Variants in MCC observed in about 807,000 individuals in gnomAD.
The protein encoded by MCC is colorectal mutant cancer protein.
Under a neutral mutation model 116.2 loss-of-function variants are expected in MCC, and 90 were observed. That is an observed-to-expected ratio of 0.77 (90% CI 0.65 to 0.92). MCC has a LOEUF of 0.92. MCC is among the 40% of genes least tolerant of loss of function. The pLI is 0.00. For missense variants in MCC, 1,516 were observed against 1,312.2 expected (o/e 1.16, Z -2.40); for synonymous variants, 578 against 510.5 (o/e 1.13, Z -1.78).
At position 113,023,321 on chromosome 5, in the gene MCC, CTA is replaced by C. The variant is rs199973836; in HGVS notation, c.*3979_*3980del. 1 of 152,306 alleles carries C rather than the reference CTA, an allele frequency of 6.6e-6. No homozygotes were observed. Among genetic ancestry groups the C allele is most frequent in the African/African-American group, 2.4e-5 (1 of 41,550 alleles). 9.4% of individuals were successfully genotyped at this position (152,306 alleles called of 1,614,324 possible). A position where few individuals can be genotyped will look rare whatever the true frequency, so the allele number is the denominator to read the frequency against. ...ACCAGTTACGCCTCTTCTGTAAACT[CTA>C]TAAGAGTGCTCAAAGGTGAATCAAA... On this transcript the variant is annotated 3_prime_UTR_variant, in exon 19 of 19. Transcript: ENST00000408903.
intron 2 of MCC, among the ~76,000 whole-genome samples, chr5:113,369,280 C>T (rs909816433): frequency 2.6e-5 from 4 of 152,146 alleles, no homozygotes; most frequent in South Asian, 2.1e-4. Context: ...CCAGCCTCAT[C>T]CTGAAGCTAC....
chr5:113,191,489 T>C (rs1230333411), intron 3 of MCC, among the ~76,000 whole-genome samples: 1 of 152,206 alleles, frequency 6.6e-6, no homozygotes, highest in African/African-American at 2.4e-5. Flanking sequence ...GAAGCCTTCC[T>C]GCTGGGCCAT....
intron 3 of MCC, among the ~76,000 whole-genome samples, chr5:113,293,949 C>T (rs1451191013): frequency 6.6e-6 from 1 of 152,030 alleles, no homozygotes; most frequent in African/African-American, 2.4e-5. Context: ...TAGTTACCGT[C>T]GGCTTAAACT....
Position 113,480,298 on chromosome 5 carries a change from A to G in MCC, c.170+7947T>C, listed in dbSNP as rs1444913339. Reference sequence around the variant, plus strand: ...ATTTTAGGTCATACATTTCACTGATAACTTCAGTTTTGACTAATTCTCTAA... The same window carrying G: ...ATTTTAGGTCATACATTTCACTGATGACTTCAGTTTTGACTAATTCTCTAA... On this transcript the variant is annotated intron_variant, in intron 1 of 18. Coordinates refer to ENST00000408903, the MANE Select transcript of MCC (RefSeq NM_001085377.2). Among the ~76,000 whole-genome samples the G allele has an allele frequency of 2.0e-5, 3 of 152,344 alleles. No individual in the cohort carries two copies. The South Asian group carries it at 6.2e-4, about 32-fold the overall frequency.
At chr5:113,263,293 G>A (rs17135517) in intron 3 of MCC, among the ~76,000 whole-genome samples, 16,373 of 152,178 alleles carry the variant, frequency 0.11, 1,393 homozygotes, top group Admixed American at 0.25. Flanking sequence ...GACCCTTAAT[G>A]GGAATGGAAG....
intron 3 of MCC, among the ~76,000 whole-genome samples, chr5:113,283,305 A>C (rs1181767088): frequency 1.3e-5 from 2 of 152,242 alleles, no homozygotes; most frequent in East Asian, 1.9e-4. Context: ...GAATATGCAA[A>C]GAAACTCTGT....
At chr5:113,071,790 C>T (rs1754060718) in intron 11 of MCC, among the ~76,000 whole-genome samples, 2 of 152,126 alleles carry the variant, frequency 1.3e-5, no homozygotes, top group South Asian at 4.1e-4. Flanking sequence ...CCCCAAATCC[C>T]ATCCTCATAA....
chr5:113,357,815 C>T (rs1432035498), intron 2 of MCC, among the ~76,000 whole-genome samples: 3 of 152,158 alleles, frequency 2.0e-5, no homozygotes, highest in Admixed American at 2.0e-4. Context: ...GATAGCCCAA[C>T]CAAAGGGAAG....
Position 113,195,113 on chromosome 5 carries a change from G to A in MCC, c.628-43691C>T, listed in dbSNP as rs554092440. ...TAAATATACCAAAGCGTTTGTTGAA[G>A]GGAACAGTAAAGGAAGCCAGCTCCA... On this transcript the variant is annotated intron_variant, in intron 3 of 18. Coordinates refer to ENST00000408903, the MANE Select transcript of MCC (RefSeq NM_001085377.2). Among the ~76,000 whole-genome samples, 6 of 152,306 alleles carry A rather than the reference G, an allele frequency of 3.9e-5. No homozygotes were observed. The South Asian group carries it at 1.2e-3, about 32-fold the overall frequency.
Position 113,429,904 on chromosome 5 carries a change from G to A in MCC, c.171-44692C>T, listed in dbSNP as rs372837169. Among the ~76,000 whole-genome samples, 196 of 152,318 alleles carry A rather than the reference G, an allele frequency of 1.3e-3. 1 individual carries two copies. The highest frequency in any genetic ancestry group is 4.5e-3 in the African/African-American group (188 of 41,570). ...GTAAAACGTCCTGTGAGATAATCCT[G>A]TGGGTGGGAAAACACTGAAACCTAA... is the stretch of plus-strand genomic sequence containing the variant. On this transcript the variant is annotated intron_variant, in intron 1 of 18. Coordinates refer to ENST00000408903, the MANE Select transcript of MCC (RefSeq NM_001085377.2).
chr5:113,271,693 T>C (rs1252415060), intron 3 of MCC, among the ~76,000 whole-genome samples: 1 of 152,116 alleles, frequency 6.6e-6, no homozygotes, highest in East Asian at 1.9e-4. Context: ...TTTTAAGAGG[T>C]AATTAGGCCA....
intron 3 of MCC, among the ~76,000 whole-genome samples, chr5:113,168,142 G>T (rs1311639504): frequency 6.6e-6 from 1 of 152,154 alleles, no homozygotes; most frequent in African/African-American, 2.4e-5. Context: ...AAGTTATGCT[G>T]GATTTTCTTA....
intron 3 of MCC, among the ~76,000 whole-genome samples, chr5:113,228,358 G>A (rs1351286365): frequency 6.6e-6 from 1 of 152,156 alleles, no homozygotes; most frequent in Admixed American, 6.5e-5. Context: ...CCCCCGAATG[G>A]TGCTGGAGGA....
At chr5:113,459,308 C>G (rs1169221182) in intron 1 of MCC, among the ~76,000 whole-genome samples, 4 of 151,762 alleles carry the variant, frequency 2.6e-5, no homozygotes, top group African/African-American at 9.7e-5. Context: ...GAGGCCGAGG[C>G]GGGTGGATCA....
chr5:113,160,919 CTT>C (rs907503040), intron 3 of MCC, among the ~76,000 whole-genome samples: 41 of 152,124 alleles, frequency 2.7e-4, no homozygotes, highest in African/African-American at 8.9e-4. Flanking sequence ...AAACACCTAA[CTT>C]TGCTGCTTAA....
chr5:113,337,037 T>C (rs1394172944), intron 3 of MCC, among the ~76,000 whole-genome samples: 1 of 152,238 alleles, frequency 6.6e-6, no homozygotes, highest in Non-Finnish European at 1.5e-5. Context: ...AGCTGGACCA[T>C]GTAAACATTT....
intron 5 of MCC, among the ~76,000 whole-genome samples, chr5:113,127,856 A>C (rs1000875669): frequency 4.6e-5 from 7 of 152,118 alleles, no homozygotes; most frequent in Non-Finnish European, 1.0e-4. Flanking sequence ...ATTAGAACCC[A>C]TTTGTCAATT....
intron 3 of MCC, among the ~76,000 whole-genome samples, chr5:113,280,132 G>C (rs1765985978): frequency 6.6e-6 from 1 of 152,174 alleles, no homozygotes; most frequent in Non-Finnish European, 1.5e-5. Context: ...ATACTCTCAT[G>C]TAATCTGGCT....
At chr5:113,241,999 G>A (rs11740353) in intron 3 of MCC, among the ~76,000 whole-genome samples, 16,469 of 152,150 alleles carry the variant, frequency 0.11, 1,408 homozygotes, top group Admixed American at 0.25. Flanking sequence ...AATAGAGAAC[G>A]ACCAAATCAA....
Sources: allele counts gnomAD v4.1 joint callset (sites outside exome capture counted in the v4.1 genomes callset), GRCh38; gene constraint gnomAD v4.1.1; transcripts MANE v1.5; gene names NCBI Gene and HGNC (gene_info 2026-07-23, HGNC 2026-07-21).